PTPN11: variants seen among roughly 807,000 people sequenced by gnomAD.
PTPN11 encodes protein tyrosine phosphatase non-receptor type 11.
PTPN11 carries 6 observed loss-of-function variants against 78.8 expected under a neutral mutation model. That is an observed-to-expected ratio of 0.08 (90% CI 0.04 to 0.15). The LOEUF (loss-of-function observed/expected upper bound fraction) is 0.15, where lower values mean the gene tolerates loss of function less well. PTPN11 is among the 10% of genes least tolerant of loss of function. PTPN11 has a pLI of 1.00. For missense variants in PTPN11, 386 were observed against 744.8 expected (o/e 0.52, Z 5.61); for synonymous variants, 221 against 263.5 (o/e 0.84, Z 1.56).
intron 1 of PTPN11, among the ~76,000 whole-genome samples, chr12:112,437,522 T>TTTTCTAA (rs1371210239): frequency 6.6e-6 from 1 of 152,220 alleles, no homozygotes; most frequent in African/African-American, 2.4e-5. Context: ...CGGTGCATTA[T>TTTTCTAA]TTTCTAAATG....
intron 6 of PTPN11, among the ~76,000 whole-genome samples, chr12:112,460,322 C>G (rs911651548): frequency 1.3e-5 from 2 of 152,142 alleles, no homozygotes; most frequent in African/African-American, 4.8e-5. Flanking sequence ...AAAACAGATT[C>G]ATATAAAGGA....
At chr12:112,466,707 T>C (rs1032191665) in intron 6 of PTPN11, among the ~76,000 whole-genome samples, 1 of 152,154 alleles carries the variant, frequency 6.6e-6, no homozygotes, top group Non-Finnish European at 1.5e-5. Context: ...ATTTAAAATA[T>C]AAAAAATTTA....
chr12:112,504,863 G>A lies in PTPN11; in HGVS notation c.*32+67G>A, dbSNP rs973325601. The A allele has an allele frequency of 1.3e-5, 14 of 1,057,044 alleles. No individual in the cohort carries two copies. The highest frequency in any genetic ancestry group is 1.6e-5 in the African/African-American group (1 of 62,702). The allele number at this position is 1,057,044 out of a possible 1,614,324, so 65.5% of individuals were successfully genotyped here. A position where few individuals can be genotyped will look rare whatever the true frequency, so the allele number is the denominator to read the frequency against. ...ATTGGCAGTATTTTTAAGCAGGCAAGCAATTTGGGAATGTTTTAGCAAAGT... is the reference window on the plus strand; with the variant it reads ...ATTGGCAGTATTTTTAAGCAGGCAAACAATTTGGGAATGTTTTAGCAAAGT... On this transcript the variant is annotated intron_variant, in intron 15 of 15. Transcript: ENST00000351677. This position sits in a 1 kb window ranked among gnomAD's most constrained non-coding sequence, Gnocchi z 4.7.
chr12:112,459,132 G>A (rs995969458), intron 6 of PTPN11, among the ~76,000 whole-genome samples: 8 of 152,066 alleles, frequency 5.3e-5, no homozygotes, highest in Admixed American at 2.6e-4. Context: ...AATAATAAAA[G>A]GCAGCATTTC....
intron 5 of PTPN11, 196 bp downstream of exon 5, chr12:112,454,876 G>A (rs1248979013): frequency 1.6e-6 from 1 of 617,250 alleles, no homozygotes; most frequent in African/African-American, 1.9e-5. Flanking sequence ...CTGGAGTACA[G>A]TGTTGCAATC....
chr12:112,449,745 C>T (rs778658997), intron 2 of PTPN11, among the ~76,000 whole-genome samples: 2 of 151,950 alleles, frequency 1.3e-5, no homozygotes, highest in Non-Finnish European at 2.9e-5. Flanking sequence ...ATATGCAATT[C>T]GATAGGCCAG....
rs150524715 is a variant in PTPN11, at chr12:112,486,546, T to C, written c.1296T>C (p.Pro432=). Residue 432 remains proline, a synonymous_variant, in exon 11 of 16, where the codon CCT becomes CCC. Coordinates refer to ENST00000351677, the MANE Select transcript of PTPN11 (RefSeq NM_002834.5). ...CGGACCACGGCGTGCCCAGCGACCC[T>C]GGGGGCGTGCTGGACTTCCTGGAGG... The part of the protein sequence containing the change: ...TWPDHGVPSD[P]GGVLDFLEEV... The C allele has an allele frequency of 6.2e-7, 1 of 1,614,044 alleles. No homozygotes were observed. Among genetic ancestry groups the C allele is most frequent in the African/African-American group, 1.3e-5 (1 of 74,922 alleles).
At chr12:112,464,942 C>T (rs2038303545) in intron 6 of PTPN11, among the ~76,000 whole-genome samples, 2 of 152,120 alleles carry the variant, frequency 1.3e-5, no homozygotes, top group Non-Finnish European at 2.9e-5. Context: ...AGTATCTCTG[C>T]TCAAGAATGT....
intron 6 of PTPN11, among the ~76,000 whole-genome samples, chr12:112,471,454 A>AAGAGAGAGAGAGAGAGAG (rs56070053): frequency 3.7e-4 from 47 of 126,346 alleles, no homozygotes; most frequent in Admixed American, 1.1e-3. Context: ...GATAAACAGA[A>AAGAGAGAGAGAGAGAGAG]AGAGAGAGAG....
At chr12:112,496,298 A>G (rs755391175) in intron 13 of PTPN11, among the ~76,000 whole-genome samples, 1 of 152,142 alleles carries the variant, frequency 6.6e-6, no homozygotes. Flanking sequence ...TGGCATTACA[A>G]AAGATGTTCC....
intron 14 of PTPN11, among the ~76,000 whole-genome samples, chr12:112,503,552 A>C (rs544506744): frequency 6.6e-6 from 1 of 152,132 alleles, no homozygotes; most frequent in African/African-American, 2.4e-5. Flanking sequence ...ACTTCTTTCT[A>C]TCTTTTTTCT....
intron 1 of PTPN11, among the ~76,000 whole-genome samples, chr12:112,430,230 A>G (rs1285130588): frequency 1.3e-5 from 2 of 152,034 alleles, no homozygotes; most frequent in Admixed American, 6.6e-5. Context: ...TTGAACTCCC[A>G]GCCTCAGGTG....
intron 13 of PTPN11, among the ~76,000 whole-genome samples, chr12:112,497,480 G>A (rs927330570): frequency 4.6e-5 from 7 of 152,210 alleles, no homozygotes; most frequent in Non-Finnish European, 2.9e-5. Context: ...TGTAAAATTT[G>A]AGTTAACATG....
chr12:112,454,137 A>G (rs1437152425), intron 4 of PTPN11, among the ~76,000 whole-genome samples: 1 of 151,740 alleles, frequency 6.6e-6, no homozygotes, highest in Non-Finnish European at 1.5e-5. Flanking sequence ...TTTATTATTT[A>G]TCTTTTTTTT....
intron 15 of PTPN11, 64 bp from the exon 16 acceptor site, chr12:112,505,761 C>G (rs917471266): frequency 6.6e-6 from 1 of 151,810 alleles, no homozygotes. Flanking sequence ...TTAAAATCAC[C>G]TAATGCTTTG....
rs1231875732 is a variant in PTPN11 at position 112,418,971 on chromosome 12, A to T, written c.-141A>T. ...CAGTCTCCGGGATCCCCAGGCCTGG[A>T]GGGGGGTCTGTGCGCGGCCGGCTGG... On this transcript the variant is annotated 5_prime_UTR_variant, in exon 1 of 16. Coordinates refer to ENST00000351677, the MANE Select transcript of PTPN11 (RefSeq NM_002834.5). 2.0e-6 allele frequency: 2 copies of T among 1,004,538 alleles called. No homozygotes were observed. Among genetic ancestry groups the T allele is most frequent in the Non-Finnish European group, 1.5e-6 (1 of 675,470 alleles). The allele number at this position is 1,004,538 out of a possible 1,614,324, so 62.2% of individuals were successfully genotyped here.
chr12:112,465,745 A>G (rs1006335317), intron 6 of PTPN11, among the ~76,000 whole-genome samples: 3 of 152,172 alleles, frequency 2.0e-5, no homozygotes, highest in Non-Finnish European at 4.4e-5. Flanking sequence ...AGCAACTTTC[A>G]GGCTTTGTAC....
At chr12:112,466,222 A>C (rs1013795681) in intron 6 of PTPN11, among the ~76,000 whole-genome samples, 3 of 152,218 alleles carry the variant, frequency 2.0e-5, no homozygotes, top group Admixed American at 2.0e-4. Context: ...CTCTTTGATA[A>C]GGTGGCATTT....
intron 6 of PTPN11, among the ~76,000 whole-genome samples, chr12:112,459,267 A>G (rs1008796448): frequency 7.2e-5 from 11 of 152,136 alleles, no homozygotes; most frequent in African/African-American, 2.4e-4. Context: ...GATTGTTCCA[A>G]AACTTTTTAG....
Sources: gnomAD v4.1 joint callset for allele counts (sites outside exome capture counted in the v4.1 genomes callset) on GRCh38, gnomAD v4.1.1 for gene constraint, Gnocchi (gnomAD v3.1) non-coding constraint, MANE v1.5 for transcripts, NCBI Gene and HGNC (gene_info 2026-07-23, HGNC 2026-07-21) for gene names.